CIAO3: variants seen among roughly 807,000 people sequenced by gnomAD.
CIAO3 encodes the protein LET1 like/JFP15.
CIAO3 carries 45 observed loss-of-function variants against 51.5 expected under a neutral mutation model. The ratio of observed to expected loss-of-function variants is 0.87; its 90% CI spans 0.69 to 1.12. CIAO3 has a LOEUF of 1.12. Among genes scored for constraint, CIAO3 ranks in the 50% most tolerant of loss-of-function variants. The probability of loss-of-function intolerance (pLI) is 0.00; values close to 1 mark genes in which losing one functional copy is unlikely to be tolerated. For missense variants in CIAO3, 668 were observed against 632.5 expected (o/e 1.06, Z -0.60); for synonymous variants, 314 against 269.3 (o/e 1.17, Z -1.63).
rs1399568464 is a variant in CIAO3, at chr16:737,766, G to C, written c.163-437C>G. On this transcript the variant is annotated intron_variant, in intron 2 of 10. Transcript: ENST00000251588. This position sits in a 1 kb window ranked among gnomAD's most constrained non-coding sequence, Gnocchi z 5.3. ...GAAGGCACAGGAAGAGGAGAGCAGA[G>C]GGAGGAAGCCTGGGAGCCTGGCCTC... is the stretch of plus-strand genomic sequence containing the variant. 62 of 1,236,426 alleles carry C rather than the reference G, an allele frequency of 5.0e-5. No homozygotes were observed. The highest frequency in any genetic ancestry group is 3.1e-6 in the Non-Finnish European group (3 of 962,466). The allele number at this position is 1,236,426 out of a possible 1,614,324, so 76.6% of individuals were successfully genotyped here.
Position 737,413 on chromosome 16 carries a change from C to A in CIAO3, c.163-84G>T, listed in dbSNP as rs1200160863. 2.5e-6 allele frequency: 4 copies of A among 1,594,022 alleles called. No homozygotes were observed. The highest frequency in any genetic ancestry group is 3.4e-6 in the Non-Finnish European group (4 of 1,168,214). On this transcript the variant is annotated intron_variant, in intron 2 of 10. Coordinates refer to ENST00000251588, the MANE Select transcript of CIAO3 (RefSeq NM_022493.3). The surrounding 1 kb of genome is among the most constrained non-coding windows in gnomAD (Gnocchi z 5.3). ...GAGGATAGTGGAGTCCAGCTCATAA[C>A]CGACAACCAACATGGCTGCTGGCTG...
Position 739,699 on chromosome 16 carries a change from T to C in CIAO3, c.106A>G (p.Ser36Gly), listed in dbSNP as rs1334623579. 2 of 1,614,098 alleles carry C rather than the reference T, an allele frequency of 1.2e-6. No individual in the cohort carries two copies. The highest frequency in any genetic ancestry group is 3.3e-5 in the Admixed American group (2 of 60,008). The change falls in exon 2 of 11, where the codon AGT becomes GGT. Residue 36 changes from serine to glycine, a missense_variant. Coordinates refer to ENST00000251588, the MANE Select transcript of CIAO3 (RefSeq NM_022493.3). ...KPVKVEKRAG[S>G]GVAKIRIEDD... ...TCAATGCGAATCTTGGCCACGCCAC[T>C]TCCCGCCCTTTTTTCCACTTTGACA...
rs989464231 is a variant in CIAO3, at chr16:731,677, G to C, written c.922C>G (p.Pro308Ala). Residue 308 changes from proline (P) to alanine (A), a missense_variant, in exon 9 of 11, where the codon CCC (proline) becomes GCC (alanine). Pro to Ala is a conservative substitution (Grantham distance 27). Transcript: ENST00000251588. ...SLCSGASAEEPTSHRGGGSGG... is the reference protein window; with the variant it reads ...SLCSGASAEEATSHRGGGSGG... Reference sequence around the variant, plus strand: ...GAGCCCCCTCCCCGATGGCTGGTGGGCTCCTCTGCAGAGGCACCGCTGCAC... The same window carrying C: ...GAGCCCCCTCCCCGATGGCTGGTGGCCTCCTCTGCAGAGGCACCGCTGCAC... The C allele has an allele frequency of 6.4e-7, 1 of 1,557,962 alleles. No individual in the cohort carries two copies. Among genetic ancestry groups the C allele is most frequent in the Non-Finnish European group, 8.7e-7 (1 of 1,152,732 alleles).
rs552057765 is a variant in CIAO3 at position 737,071 on chromosome 16, C to G, written c.306+115G>C. Reference sequence around the variant, plus strand: ...AGATTCCAAGCCTCAAAAAGGCAGGCGCCACCCGCACGACGGACGTCGGCA... The same window carrying G: ...AGATTCCAAGCCTCAAAAAGGCAGGGGCCACCCGCACGACGGACGTCGGCA... On this transcript the variant is annotated intron_variant, in intron 3 of 10. Transcript: ENST00000251588. The surrounding 1 kb of genome is among the most constrained non-coding windows in gnomAD (Gnocchi z 5.3). The G allele has an allele frequency of 7.2e-7, 1 of 1,381,204 alleles. No individual in the cohort carries two copies. The highest frequency in any genetic ancestry group is 1.4e-5 in the African/African-American group (1 of 70,412). The allele number at this position is 1,381,204 out of a possible 1,614,324, so 85.6% of individuals were successfully genotyped here.
At position 737,381 on chromosome 16, in the gene CIAO3, G is replaced by A. The variant is rs763775811; in HGVS notation, c.163-52C>T. 3.1e-6 allele frequency: 5 copies of A among 1,607,800 alleles called. No homozygotes were observed. Among genetic ancestry groups the A allele is most frequent in the Middle Eastern group, 1.8e-4 (1 of 5,440 alleles). Reference sequence around the variant, plus strand: ...AGGGGCCCCCTCTGCACGAGGACATGGAGACAGAGGATAGTGGAGTCCAGC... The same window carrying A: ...AGGGGCCCCCTCTGCACGAGGACATAGAGACAGAGGATAGTGGAGTCCAGC... On this transcript the variant is annotated intron_variant, in intron 2 of 10. Transcript: ENST00000251588. The surrounding 1 kb of genome is among the most constrained non-coding windows in gnomAD (Gnocchi z 5.3).
At position 739,717 on chromosome 16, in the gene CIAO3, CTT is replaced by C; in HGVS notation, c.86_87del (p.Lys29SerfsTer15). ...GPSQECIKPV[K>X]VEKRAGSGVA... ...ACGCCACTTCCCGCCCTTTTTTCCA[CTT>C]TGACAGGCTTGATGCACTCCTAGAG... is the stretch of plus-strand genomic sequence containing the variant. On this transcript the variant is annotated frameshift_variant, in exon 2 of 11. Transcript: ENST00000251588. LOFTEE classifies it high-confidence loss of function. The C allele has an allele frequency of 1.9e-6, 3 of 1,614,052 alleles. No homozygotes were observed. Among genetic ancestry groups the C allele is most frequent in the Non-Finnish European group, 2.5e-6 (3 of 1,179,994 alleles).
intron 2 of CIAO3, chr16:738,157 G>C (rs2041357566): frequency 1.0e-6 from 1 of 1,001,378 alleles, no homozygotes; most frequent in Admixed American, 5.2e-5. Context: ...AGGCTGACAG[G>C]CTCCTCCAAA....
chr16:737,600 A>T lies in CIAO3; in HGVS notation c.163-271T>A, dbSNP rs2041352450. 1 of 1,424,756 alleles carries T rather than the reference A, an allele frequency of 7.0e-7. No individual in the cohort carries two copies. Among genetic ancestry groups the T allele is most frequent in the Non-Finnish European group, 9.3e-7 (1 of 1,076,922 alleles). The allele number at this position is 1,424,756 out of a possible 1,614,324, so 88.3% of individuals were successfully genotyped here. ...CTTGCCACTGGTATCTCAGCAAAGCAGCAGCCACCCCACTCACCCATGGGG... is the reference window on the plus strand; with the variant it reads ...CTTGCCACTGGTATCTCAGCAAAGCTGCAGCCACCCCACTCACCCATGGGG... On this transcript the variant is annotated intron_variant, in intron 2 of 10. Transcript: ENST00000251588. This position sits in a 1 kb window ranked among gnomAD's most constrained non-coding sequence, Gnocchi z 5.3.
At chr16:732,248 C>T in intron 8 of CIAO3, 53 bp downstream of exon 8, 17 of 1,541,786 alleles carry the variant, frequency 1.1e-5, no homozygotes, top group Non-Finnish European at 1.5e-5. Flanking sequence ...ATGCTATCCT[C>T]AGAGGCAGCG....
In CIAO3 at chr16:734,732, CA is replaced by C. The variant is rs1463571349; in HGVS notation, c.574+4del. Reference sequence around the variant, plus strand: ...ACTCTCCCACCACCCGCACCATGAGCACACCTGGGCAGGCAGAGGCCAGCAG... The same window carrying C: ...ACTCTCCCACCACCCGCACCATGAGCCACCTGGGCAGGCAGAGGCCAGCAG... On this transcript the variant is annotated splice_donor_region_variant and intron_variant, in intron 5 of 10. Transcript: ENST00000251588. 6.2e-7 allele frequency: 1 copy of C among 1,612,746 alleles called. No homozygotes were observed. The highest frequency in any genetic ancestry group is 1.1e-5 in the South Asian group (1 of 91,086).
At chr16:739,898 C>T (rs1268213308) in intron 1 of CIAO3, 160 bp from the exon 2 acceptor site, 1 of 1,209,862 alleles carries the variant, frequency 8.3e-7, no homozygotes, top group African/African-American at 1.5e-5. Flanking sequence ...CTTCCTGCCC[C>T]ACTGCTCTCA....
intron 4 of CIAO3, chr16:735,234 C>T (rs893512273): frequency 4.7e-5 from 11 of 232,070 alleles, no homozygotes; most frequent in Non-Finnish European, 6.7e-5. Context: ...CACAGCTGGA[C>T]GCAGCCTGCT....
chr16:735,008 G>A (rs1596673103), intron 4 of CIAO3, 137 bp from the exon 5 acceptor site: 14 of 1,237,088 alleles, frequency 1.1e-5, no homozygotes, highest in Admixed American at 6.1e-5. Context: ...CGGCCCCACC[G>A]TGGGGACCTC....
Position 736,685 on chromosome 16 carries a change from G to A in CIAO3, c.307-287C>T, listed in dbSNP as rs59678611. On this transcript the variant is annotated intron_variant, in intron 3 of 10. Coordinates refer to ENST00000251588, the MANE Select transcript of CIAO3 (RefSeq NM_022493.3). ...CTGGCCAAGGGTATCGTTTTTTTTTGATGGAGTCTCACTCTATCACCAGGC... is the reference window on the plus strand; with the variant it reads ...CTGGCCAAGGGTATCGTTTTTTTTTAATGGAGTCTCACTCTATCACCAGGC... 4.6e-5 allele frequency among the ~76,000 whole-genome samples: 7 copies of A among 151,288 alleles called. No individual in the cohort carries two copies. In the East Asian group the frequency reaches 1.4e-3, roughly 29 times the overall value.
rs771352387 is a variant in CIAO3, at chr16:730,446, C to A, written c.1402G>T (p.Ala468Ser). The A allele has an allele frequency of 6.2e-7, 1 of 1,604,826 alleles. No individual in the cohort carries two copies. The highest frequency in any genetic ancestry group is 1.7e-5 in the Admixed American group (1 of 60,024). ...LHTQYHAVEK[A>S]STGLGIRW is the part of the protein sequence containing the mutation. ...CACCGGATGCCCAGGCCAGTGCTGG[C>A]CTTCTCCACGGCGTGGTACTGCGTA... The change falls in exon 11 of 11, where the codon GCC becomes TCC. Residue 468 changes from alanine to serine, a missense_variant. Ala to Ser is a moderately conservative substitution (Grantham distance 99). Coordinates refer to ENST00000251588, the MANE Select transcript of CIAO3 (RefSeq NM_022493.3).
At position 730,541 on chromosome 16, in the gene CIAO3, G is replaced by C; in HGVS notation, c.1307C>G (p.Pro436Arg). The C allele has an allele frequency of 6.2e-7, 1 of 1,610,966 alleles. No individual in the cohort carries two copies. Among genetic ancestry groups the C allele is most frequent in the Non-Finnish European group, 8.5e-7 (1 of 1,179,996 alleles). The stretch of plus-strand genomic sequence containing the variant: ...GTGTGTGTACAGCTCCTGAACCCCA[G>C]GCGCGTCCTCGGGCGCCTCAGCCCG... The part of the protein sequence containing the change: ...MVRAEAPEDA[P>R]GVQELYTHWL... The change falls in exon 11 of 11, where the codon CCT (proline) becomes CGT (arginine). Residue 436 changes from proline to arginine, a missense_variant. Pro to Arg is a moderately radical substitution (Grantham distance 103). Coordinates refer to ENST00000251588, the MANE Select transcript of CIAO3 (RefSeq NM_022493.3).
At chr16:739,449 G>A in intron 2 of CIAO3, 194 bp downstream of exon 2, 1 of 617,478 alleles carries the variant, frequency 1.6e-6, no homozygotes. Flanking sequence ...TGTTTGGCCT[G>A]GGTGCTGCTC....
At chr16:735,117 C>T (rs2041325249) in intron 4 of CIAO3, 2 of 476,596 alleles carry the variant, frequency 4.2e-6, no homozygotes, top group African/African-American at 1.9e-5. Context: ...TGGTTTCCCA[C>T]CCCAGAGGCA....
In CIAO3 at chr16:737,170, G is replaced by C; in HGVS notation, c.306+16C>G. 1 of 1,613,414 alleles carries C rather than the reference G, an allele frequency of 6.2e-7. No homozygotes were observed. The highest frequency in any genetic ancestry group is 1.1e-5 in the South Asian group (1 of 91,080). Reference sequence around the variant, plus strand: ...TTTCAGGTTAAAGCAGAGTCACCAGGCCGACCACTGCTTACCTTGTTAGCA... The same window carrying C: ...TTTCAGGTTAAAGCAGAGTCACCAGCCCGACCACTGCTTACCTTGTTAGCA... On this transcript the variant is annotated intron_variant, in intron 3 of 10. Coordinates refer to ENST00000251588, the MANE Select transcript of CIAO3 (RefSeq NM_022493.3). This position sits in a 1 kb window ranked among gnomAD's most constrained non-coding sequence, Gnocchi z 5.3.
Sources: allele counts gnomAD v4.1 joint callset (sites outside exome capture counted in the v4.1 genomes callset), GRCh38; gene constraint gnomAD v4.1.1; non-coding constraint Gnocchi (gnomAD v3.1); transcripts MANE v1.5; gene names NCBI Gene and HGNC (gene_info 2026-07-23, HGNC 2026-07-21).